ANKMY2: variants seen among roughly 807,000 people sequenced by gnomAD.
ANKMY2 encodes ankyrin repeat and MYND domain containing 2, also known as ankyrin repeat and MYND domain-containing protein 2.
ANKMY2 carries 36 observed loss-of-function variants against 50.4 expected under a neutral mutation model. The observed-to-expected ratio is 0.71, with a 90% CI of 0.55 to 0.94. The LOEUF (loss-of-function observed/expected upper bound fraction) is 0.94, where lower values mean the gene tolerates loss of function less well. ANKMY2 is among the 40% of genes least tolerant of loss of function. The pLI, the probability that ANKMY2 is intolerant of heterozygous loss-of-function variation, is 0.00. For synonymous variants in ANKMY2, 187 were observed against 178.8 expected (o/e 1.05, Z -0.36); for missense variants, 565 against 524.0 (o/e 1.08, Z -0.76).
chr7:16,600,798 T>C lies in ANKMY2; in HGVS notation c.1289A>G (p.Gln430Arg). ...CACCTGTGGCCCTGCAGGAGCATCCTGTAAGCCTTCCAACTCAGCTTCGCT... is the reference window on the plus strand; with the variant it reads ...CACCTGTGGCCCTGCAGGAGCATCCCGTAAGCCTTCCAACTCAGCTTCGCT... ...LESEAELEGL[Q>R]DAPAGPQVSE... Residue 430 changes from glutamine to arginine, a missense_variant, in exon 10 of 10, where the codon CAG (glutamine) becomes CGG (arginine). Coordinates refer to ENST00000306999, the MANE Select transcript of ANKMY2 (RefSeq NM_020319.3). 1 of 1,613,684 alleles carries C rather than the reference T, an allele frequency of 6.2e-7. No homozygotes were observed. Among genetic ancestry groups the C allele is most frequent in the Non-Finnish European group, 8.5e-7 (1 of 1,179,790 alleles).
At chr7:16,605,811 T>C (rs920116148) in intron 7 of ANKMY2, among the ~76,000 whole-genome samples, 1 of 149,476 alleles carries the variant, frequency 6.7e-6, no homozygotes, top group Non-Finnish European at 1.5e-5. Context: ...GCCTCCCAAC[T>C]AGCTGGGACT....
intron 7 of ANKMY2, among the ~76,000 whole-genome samples, chr7:16,605,528 G>A (rs1056740668): frequency 1.3e-5 from 2 of 151,926 alleles, no homozygotes; most frequent in African/African-American, 4.8e-5. Flanking sequence ...TTGAGATGGA[G>A]TCTCTGTCAC....
At chr7:16,640,232 T>A (rs565265357) in intron 1 of ANKMY2, among the ~76,000 whole-genome samples, 3 of 152,292 alleles carry the variant, frequency 2.0e-5, no homozygotes, top group African/African-American at 7.2e-5. Flanking sequence ...AGTTTCCTTA[T>A]CTATGAAATA....
chr7:16,602,328 T>C, intron 9 of ANKMY2, 52 bp downstream of exon 9: 2 of 1,589,818 alleles, frequency 1.3e-6, no homozygotes, highest in South Asian at 1.2e-5. Flanking sequence ...AGATCACCTA[T>C]CATCTCTCTC....
At chr7:16,621,197 T>C (rs1047843794) in intron 4 of ANKMY2, among the ~76,000 whole-genome samples, 3 of 152,128 alleles carry the variant, frequency 2.0e-5, no homozygotes, top group Non-Finnish European at 4.4e-5. Context: ...GTGGAGGTGG[T>C]AGTGCAAATT....
chr7:16,624,381 A>C (rs944946841), intron 4 of ANKMY2, among the ~76,000 whole-genome samples: 18 of 152,224 alleles, frequency 1.2e-4, no homozygotes, highest in Admixed American at 1.2e-3. Flanking sequence ...TTAACATGCC[A>C]AGAATTATTG....
At chr7:16,613,357 T>C (rs942447957) in intron 5 of ANKMY2, among the ~76,000 whole-genome samples, 4 of 152,134 alleles carry the variant, frequency 2.6e-5, no homozygotes, top group African/African-American at 7.2e-5. Context: ...TAATACTCCA[T>C]AGGAAATGCC....
chr7:16,642,547 G>A (rs916813540), intron 1 of ANKMY2, among the ~76,000 whole-genome samples: 2 of 151,830 alleles, frequency 1.3e-5, no homozygotes, highest in African/African-American at 4.8e-5. Flanking sequence ...GTTTATTTCA[G>A]ATTGACCAAG....
At chr7:16,620,795 TAA>T (rs1781425239) in intron 4 of ANKMY2, among the ~76,000 whole-genome samples, 2 of 152,286 alleles carry the variant, frequency 1.3e-5, no homozygotes, top group East Asian at 1.9e-4. Context: ...TATATGTTTA[TAA>T]GTTATACTAC....
intron 1 of ANKMY2, 61 bp from the exon 2 acceptor site, chr7:16,636,516 A>G: frequency 2.2e-6 from 3 of 1,339,186 alleles, no homozygotes; most frequent in Non-Finnish European, 3.1e-6. Context: ...AGAAAAATCT[A>G]ACATCAAGGA....
At chr7:16,645,039 G>T (rs1217976519) in intron 1 of ANKMY2, among the ~76,000 whole-genome samples, 2 of 152,080 alleles carry the variant, frequency 1.3e-5, no homozygotes, top group Non-Finnish European at 2.9e-5. Flanking sequence ...TCTCCCTAAG[G>T]GCGCCCTCCA....
chr7:16,610,694 T>A lies in ANKMY2; in HGVS notation c.601A>T (p.Met201Leu). The change falls in exon 6 of 10, where the codon ATG becomes TTG. Residue 201 changes from methionine to leucine, a missense_variant. Coordinates refer to ENST00000306999, the MANE Select transcript of ANKMY2 (RefSeq NM_020319.3). ...ATACATTTCTCACAAATCAAATCCATCACTCTGTAGCATTTATTCAGGGCT... is the reference window on the plus strand; with the variant it reads ...ATACATTTCTCACAAATCAAATCCAACACTCTGTAGCATTTATTCAGGGCT... The part of the protein sequence containing the change: ...EAALNKCYRV[M>L]DLICEKCMKQ... 1 of 1,613,976 alleles carries A rather than the reference T, an allele frequency of 6.2e-7. No individual in the cohort carries two copies. Among genetic ancestry groups the A allele is most frequent in the Non-Finnish European group, 8.5e-7 (1 of 1,179,950 alleles).
intron 1 of ANKMY2, 48 bp downstream of exon 1, chr7:16,645,458 GC>G (rs762738912): frequency 1.8e-5 from 28 of 1,547,360 alleles, no homozygotes; most frequent in Middle Eastern, 4.2e-4. Flanking sequence ...GCTCCGCCAC[GC>G]CCCCCGGCCA....
At chr7:16,609,893 C>G in intron 6 of ANKMY2, 128 bp from the exon 7 acceptor site, 1 of 1,159,928 alleles carries the variant, frequency 8.6e-7, no homozygotes, top group African/African-American at 1.6e-5. Context: ...ATCATGATGA[C>G]GGGCTCAGTT....
At chr7:16,621,859 C>T (rs752454499) in intron 4 of ANKMY2, among the ~76,000 whole-genome samples, 19 of 151,986 alleles carry the variant, frequency 1.3e-4, no homozygotes, top group Non-Finnish European at 2.8e-4. Context: ...GTCCCAGCTA[C>T]ATGGGAGGCT....
At chr7:16,625,966 A>T (rs1781500495) in intron 3 of ANKMY2, among the ~76,000 whole-genome samples, 3 of 142,882 alleles carry the variant, frequency 2.1e-5, no homozygotes, top group East Asian at 2.1e-4. Flanking sequence ...TTTATACTTG[A>T]TTTATAAGAA....
chr7:16,622,510 G>A (rs992587552), intron 4 of ANKMY2, among the ~76,000 whole-genome samples: 13 of 152,050 alleles, frequency 8.5e-5, no homozygotes, highest in Admixed American at 5.9e-4. Context: ...AGGCCGAGGC[G>A]GGCAGATCAC....
At chr7:16,601,052 T>C (rs930476181) in intron 9 of ANKMY2, 107 bp from the exon 10 acceptor site, 6 of 825,666 alleles carry the variant, frequency 7.3e-6, no homozygotes, top group Non-Finnish European at 1.1e-5. Context: ...TGAGGTATAT[T>C]AGTATCTCTA....
At chr7:16,644,578 T>C in intron 1 of ANKMY2, 1 of 406,050 alleles carries the variant, frequency 2.5e-6, no homozygotes, top group South Asian at 1.8e-5. Context: ...AACATGGCTA[T>C]ATTATTATTG....
Sources: allele counts gnomAD v4.1 joint callset (sites outside exome capture counted in the v4.1 genomes callset), GRCh38; gene constraint gnomAD v4.1.1; transcripts MANE v1.5; gene names NCBI Gene and HGNC (gene_info 2026-07-23, HGNC 2026-07-21).